The following PLCB4 variants were observed in gnomAD, a reference collection of about 807,000 sequenced individuals.
The protein encoded by PLCB4 is phospholipase C beta 4.
Under a neutral mutation model 178.8 loss-of-function variants are expected in PLCB4, and 77 were observed. The observed-to-expected ratio is 0.43, with a 90% CI of 0.36 to 0.52. The LOEUF (loss-of-function observed/expected upper bound fraction) is 0.52. PLCB4 is among the 20% of genes least tolerant of loss of function. PLCB4 has a pLI of 0.00. For missense variants in PLCB4, 1,024 were observed against 1,453.4 expected, an observed-to-expected ratio of 0.70 and a Z score of 4.80; for synonymous variants, 496 against 490.8, an observed-to-expected ratio of 1.01 and a Z score of -0.14.
intron 8 of PLCB4, 131 bp downstream of exon 8, chr20:9,363,106 G>A: frequency 4.3e-6 from 3 of 703,970 alleles, no homozygotes; most frequent in South Asian, 3.2e-5. Flanking sequence ...TGACCTTGGA[G>A]TTGACCAACA....
chr20:9,415,489 A>G (rs973813102), intron 25 of PLCB4, among the ~76,000 whole-genome samples: 9 of 152,056 alleles, frequency 5.9e-5, no homozygotes, highest in Non-Finnish European at 7.4e-5. Flanking sequence ...TTTCCTTATG[A>G]CCCCATTTTC....
chr20:9,168,781 C>T (rs1166882018), intron 2 of PLCB4, among the ~76,000 whole-genome samples: 1 of 152,266 alleles, frequency 6.6e-6, no homozygotes, highest in East Asian at 1.9e-4. Context: ...TGACACTGGC[C>T]GCTTTGTGGC....
intron 2 of PLCB4, among the ~76,000 whole-genome samples, chr20:9,203,056 A>AATATATATAT (rs55690764): frequency 8.7e-5 from 11 of 126,146 alleles, no homozygotes; most frequent in African/African-American, 3.6e-4. Flanking sequence ...AAAAAAAAAA[A>AATATATATAT]ATATATATAT....
intron 39 of PLCB4, among the ~76,000 whole-genome samples, chr20:9,478,021 G>A (rs921807517): frequency 1.3e-5 from 2 of 151,988 alleles, no homozygotes; most frequent in African/African-American, 4.8e-5. Flanking sequence ...TTTCAAAGCA[G>A]CATGTCACTA....
chr20:9,357,636 T>A (rs959048545), intron 7 of PLCB4, among the ~76,000 whole-genome samples: 1 of 152,068 alleles, frequency 6.6e-6, no homozygotes, highest in African/African-American at 2.4e-5. Flanking sequence ...AGGAAGAGGA[T>A]TAGTGTCCTT....
chr20:9,409,097 G>A lies in PLCB4; in HGVS notation c.1915G>A (p.Gly639Ser). The change falls in exon 24 of 40, where the codon GGC becomes AGC. Residue 639 changes from glycine to serine, a missense_variant. Physicochemically the swap from Gly to Ser is moderately conservative, Grantham distance 56. Around this residue, in one of 7 missense-constraint regions of PLCB4, gnomAD observed 4 missense variants for 42.5 expected, o/e 0.09. Transcript: ENST00000378473. ...RQMSRIYPKG[G>S]RVDSSNYMPQ... ...AATGAGTCGCATTTACCCCAAGGGA[G>A]GCCGAGTCGATTCCAGTAATTACAT... 1 of 1,607,002 alleles carries A rather than the reference G, an allele frequency of 6.2e-7. No individual in the cohort carries two copies. Among genetic ancestry groups the A allele is most frequent in the Non-Finnish European group, 8.5e-7 (1 of 1,178,344 alleles).
chr20:9,317,143 A>G (rs903255421), intron 4 of PLCB4, among the ~76,000 whole-genome samples: 5 of 152,358 alleles, frequency 3.3e-5, no homozygotes, highest in Non-Finnish European at 2.9e-5. Context: ...GGATTAGAAG[A>G]CAAACAATGC....
intron 3 of PLCB4, among the ~76,000 whole-genome samples, chr20:9,297,161 C>A (rs551483218): frequency 4.6e-5 from 7 of 151,886 alleles, no homozygotes; most frequent in Non-Finnish European, 1.0e-4. Flanking sequence ...GCCCGCACCC[C>A]CCCCCACACC....
chr20:9,280,367 C>A, intron 3 of PLCB4: 1 of 706,436 alleles, frequency 1.4e-6, no homozygotes, highest in Non-Finnish European at 1.7e-6. Flanking sequence ...ATTGGATTTC[C>A]AAGTTGGGAA....
At chr20:9,225,264 A>C (rs1040346389) in intron 3 of PLCB4, among the ~76,000 whole-genome samples, 2 of 152,210 alleles carry the variant, frequency 1.3e-5, no homozygotes, top group East Asian at 3.9e-4. Flanking sequence ...AAAAAGTTAG[A>C]GAAGAGAAGC....
intron 2 of PLCB4, among the ~76,000 whole-genome samples, chr20:9,213,301 C>T (rs1225566175): frequency 6.8e-6 from 1 of 147,704 alleles, no homozygotes; most frequent in Non-Finnish European, 1.5e-5. Flanking sequence ...TGTGCCACCA[C>T]ACCCAGCTAA....
intron 32 of PLCB4, among the ~76,000 whole-genome samples, chr20:9,445,567 A>G (rs2042365491): frequency 6.6e-6 from 1 of 152,190 alleles, no homozygotes; most frequent in Admixed American, 6.5e-5. Flanking sequence ...TTTTTTTAGA[A>G]GTTAGGCCTA....
chr20:9,077,031 A>G (rs957477616), intron 1 of PLCB4, among the ~76,000 whole-genome samples: 4 of 152,126 alleles, frequency 2.6e-5, no homozygotes, highest in Admixed American at 2.0e-4. Context: ...GTATATATAC[A>G]TGTCATTTTC....
chr20:9,385,946 A>G (rs1194790212), intron 14 of PLCB4, among the ~76,000 whole-genome samples: 1 of 152,044 alleles, frequency 6.6e-6, no homozygotes, highest in Non-Finnish European at 1.5e-5. Flanking sequence ...TCACGCCACT[A>G]CACTCCAGCC....
intron 2 of PLCB4, among the ~76,000 whole-genome samples, chr20:9,155,409 C>T (rs1283218883): frequency 6.6e-6 from 1 of 152,084 alleles, no homozygotes; most frequent in African/African-American, 2.4e-5. Context: ...AGACTCAATT[C>T]TTTGTTGAAA....
intron 3 of PLCB4, among the ~76,000 whole-genome samples, chr20:9,242,357 T>G (rs2094073695): frequency 6.6e-6 from 1 of 151,994 alleles, no homozygotes; most frequent in Non-Finnish European, 1.5e-5. Flanking sequence ...AGAAGGGGAT[T>G]TGGGATAGAA....
chr20:9,387,407 G>C, intron 14 of PLCB4, 56 bp from the exon 15 acceptor site: 1 of 857,422 alleles, frequency 1.2e-6, no homozygotes, highest in South Asian at 1.6e-5. Context: ...CTTTTAATTT[G>C]TATGAACACT....
At chr20:9,280,412 A>G (rs2147685597) in intron 3 of PLCB4, 1 of 975,562 alleles carries the variant, frequency 1.0e-6, no homozygotes, top group African/African-American at 1.8e-5. Context: ...GGACAAAGAT[A>G]TTGTGTTCTC....
chr20:9,150,960 C>T (rs1208031108), intron 2 of PLCB4, among the ~76,000 whole-genome samples: 2 of 152,078 alleles, frequency 1.3e-5, no homozygotes, highest in Non-Finnish European at 2.9e-5. Context: ...GGCTCAGCCA[C>T]AACACAAATG....
Sources: allele counts gnomAD v4.1 joint callset (sites outside exome capture counted in the v4.1 genomes callset), GRCh38; gene constraint gnomAD v4.1.1; regional missense constraint gnomAD v4.1.1; transcripts MANE v1.5; gene names NCBI Gene and HGNC (gene_info 2026-07-23, HGNC 2026-07-21).